XRRA1: variants seen among roughly 807,000 people sequenced by gnomAD.
The protein encoded by XRRA1 is X-ray radiation resistance-associated protein 1.
A neutral mutation model predicts 80.2 loss-of-function variants in XRRA1; 69 were observed. The ratio of observed to expected loss-of-function variants is 0.86; its 90% CI spans 0.71 to 1.05. The LOEUF is 1.05. Ranked by LOEUF, XRRA1 falls within the 50% of genes least tolerant of loss-of-function variation. The probability of loss-of-function intolerance (pLI) is 0.00; values close to 1 mark genes in which losing one functional copy is unlikely to be tolerated. For missense variants in XRRA1, 967 were observed against 976.4 expected (o/e 0.99, Z 0.13); for synonymous variants, 348 against 389.9 (o/e 0.89, Z 1.27).
intron 10 of XRRA1, among the ~76,000 whole-genome samples, chr11:74,888,551 G>T (rs189194177): frequency 6.6e-6 from 1 of 152,230 alleles, no homozygotes; most frequent in Non-Finnish European, 1.5e-5. Context: ...ACCAGCAACG[G>T]AACAAAGCTG....
In XRRA1 at chr11:74,845,261, A is replaced by AG. The variant is rs1251371799; in HGVS notation, c.1738dup (p.Leu580ProfsTer8). 6.2e-7 allele frequency: 1 copy of AG among 1,612,800 alleles called. No homozygotes were observed. The highest frequency in any genetic ancestry group is 8.5e-7 in the Non-Finnish European group (1 of 1,179,230). ...ATCCTTATGGATGACGGAGGAAGGC[A>AG]GTTCACTCACCTGTGCCCAGGAAGA... On this transcript the variant is annotated frameshift_variant, in exon 16 of 19. Transcript: ENST00000684022. LOFTEE classifies it high-confidence loss of function.
chr11:74,868,492 A>G (rs1446941685), intron 10 of XRRA1, among the ~76,000 whole-genome samples: 1 of 152,218 alleles, frequency 6.6e-6, no homozygotes, highest in Non-Finnish European at 1.5e-5. Context: ...ATAATGAACA[A>G]ATCCTCACAT....
intron 1 of XRRA1, among the ~76,000 whole-genome samples, chr11:74,947,300 C>T (rs966257079): frequency 1.3e-5 from 2 of 151,970 alleles, no homozygotes; most frequent in African/African-American, 2.4e-5. Context: ...CCGAAGCAGA[C>T]GGATCACTTG....
intron 7 of XRRA1, among the ~76,000 whole-genome samples, chr11:74,924,267 A>G (rs1941668630): frequency 6.7e-6 from 1 of 148,828 alleles, no homozygotes; most frequent in African/African-American, 2.5e-5. Context: ...CGAGGTCAGG[A>G]GATCGAGACC....
At chr11:74,866,176 A>G (rs567298924) in intron 10 of XRRA1, among the ~76,000 whole-genome samples, 1 of 152,336 alleles carries the variant, frequency 6.6e-6, no homozygotes, top group South Asian at 2.1e-4. Flanking sequence ...GATCAAACAT[A>G]AAGTAATAGA....
intron 10 of XRRA1, among the ~76,000 whole-genome samples, chr11:74,892,325 G>A (rs1017170799): frequency 4.6e-5 from 7 of 152,076 alleles, no homozygotes; most frequent in African/African-American, 7.2e-5. Context: ...TATTTAATAA[G>A]TGGTGCCGGG....
intron 7 of XRRA1, among the ~76,000 whole-genome samples, chr11:74,925,256 C>A (rs564545632): frequency 6.6e-6 from 1 of 152,218 alleles, no homozygotes; most frequent in South Asian, 2.1e-4. Flanking sequence ...CAGGGCAGGG[C>A]TCCAGCTGAA....
chr11:74,926,005 G>A (rs746227328), intron 7 of XRRA1, among the ~76,000 whole-genome samples: 1 of 152,076 alleles, frequency 6.6e-6, no homozygotes, highest in Non-Finnish European at 1.5e-5. Context: ...AAAATCTACT[G>A]TTAAATATTT....
At chr11:74,899,446 A>T (rs761606179) in intron 10 of XRRA1, among the ~76,000 whole-genome samples, 1 of 152,192 alleles carries the variant, frequency 6.6e-6, no homozygotes. Flanking sequence ...TGAGGCAAAC[A>T]CTACACAAGA....
chr11:74,901,004 A>G (rs1345319597), intron 10 of XRRA1, among the ~76,000 whole-genome samples: 1 of 152,176 alleles, frequency 6.6e-6, no homozygotes, highest in Non-Finnish European at 1.5e-5. Flanking sequence ...GAAGGGAGGA[A>G]GTTGAATTAT....
chr11:74,873,615 C>G (rs890367518), intron 10 of XRRA1, among the ~76,000 whole-genome samples: 1 of 152,228 alleles, frequency 6.6e-6, no homozygotes, highest in Non-Finnish European at 1.5e-5. Flanking sequence ...ATCCTCAGGT[C>G]AGGGTCTTGC....
chr11:74,847,733 C>A (rs1350632666), intron 15 of XRRA1, among the ~76,000 whole-genome samples: 1 of 152,172 alleles, frequency 6.6e-6, no homozygotes, highest in Non-Finnish European at 1.5e-5. Flanking sequence ...ACCTTAAGGG[C>A]ACGACCTGCA....
intron 3 of XRRA1, among the ~76,000 whole-genome samples, chr11:74,938,919 T>A (rs1459240624): frequency 1.3e-5 from 2 of 152,234 alleles, no homozygotes; most frequent in Non-Finnish European, 2.9e-5. Context: ...GTTTATCTAC[T>A]ACCAGTTCTG....
intron 16 of XRRA1, among the ~76,000 whole-genome samples, chr11:74,844,599 A>G (rs776626913): frequency 1.3e-5 from 2 of 152,206 alleles, no homozygotes; most frequent in African/African-American, 2.4e-5. Context: ...CGCAGGGGCT[A>G]ACACCCAGAA....
chr11:74,947,940 G>C (rs1947938630), intron 1 of XRRA1, among the ~76,000 whole-genome samples: 1 of 151,862 alleles, frequency 6.6e-6, no homozygotes, highest in African/African-American at 2.4e-5. Flanking sequence ...GGCCAGGCTG[G>C]TCTTTAACTC....
intron 10 of XRRA1, among the ~76,000 whole-genome samples, chr11:74,878,010 C>T (rs1286659712): frequency 7.2e-4 from 102 of 141,820 alleles, no homozygotes; most frequent in South Asian, 2.0e-3. Flanking sequence ...ATGGTATTTC[C>T]AGTTCTAGAT....
chr11:74,918,299 AGTGTGTGT>A (rs35763136), intron 8 of XRRA1, among the ~76,000 whole-genome samples: 12 of 150,152 alleles, frequency 8.0e-5, no homozygotes, highest in African/African-American at 1.9e-4. Context: ...TTCCTTCCTT[AGTGTGTGT>A]GTGTGTGTGT....
intron 10 of XRRA1, among the ~76,000 whole-genome samples, chr11:74,898,070 A>G (rs1055389215): frequency 1.3e-5 from 2 of 152,222 alleles, no homozygotes; most frequent in African/African-American, 4.8e-5. Context: ...TTCAAGACAT[A>G]GTATAATAAG....
chr11:74,892,600 C>A (rs1412411164), intron 10 of XRRA1, among the ~76,000 whole-genome samples: 2 of 152,058 alleles, frequency 1.3e-5, no homozygotes, highest in African/African-American at 4.8e-5. Context: ...AAATAAACTA[C>A]CATCAGAGTG....
Sources: gnomAD v4.1 joint callset for allele counts (sites outside exome capture counted in the v4.1 genomes callset) on GRCh38, gnomAD v4.1.1 for gene constraint, MANE v1.5 for transcripts, NCBI Gene and HGNC (gene_info 2026-07-23, HGNC 2026-07-21) for gene names.